The following PKP4 variants were observed in gnomAD, a reference collection of about 807,000 sequenced individuals.
PKP4 encodes plakophilin-4.
A neutral mutation model predicts 145.1 loss-of-function variants in PKP4; 90 were observed. The ratio of observed to expected loss-of-function variants is 0.62; its 90% CI spans 0.52 to 0.74. The LOEUF is 0.74. Among genes scored for constraint, PKP4 ranks in the 30% least tolerant of loss-of-function variants. The probability of loss-of-function intolerance (pLI) is 0.00; values close to 1 mark genes in which losing one functional copy is unlikely to be tolerated. For synonymous variants in PKP4, 563 were observed against 577.2 expected (o/e 0.98, Z 0.35); for missense variants, 1,340 against 1,482.7 (o/e 0.90, Z 1.58).
intron 4 of PKP4, among the ~76,000 whole-genome samples, chr2:158,618,822 A>G (rs2051909529): frequency 1.3e-5 from 2 of 152,106 alleles, no homozygotes; most frequent in Non-Finnish European, 2.9e-5. Context: ...CCATGGTGAA[A>G]AATGTTGAGA....
At chr2:158,596,787 A>G (rs1339130539) in intron 3 of PKP4, among the ~76,000 whole-genome samples, 1 of 152,218 alleles carries the variant, frequency 6.6e-6, no homozygotes, top group Non-Finnish European at 1.5e-5. Context: ...TTTCTTACAC[A>G]TGCAGCGTAT....
At chr2:158,591,016 A>T (rs559099581) in intron 3 of PKP4, among the ~76,000 whole-genome samples, 75 of 152,284 alleles carry the variant, frequency 4.9e-4, no homozygotes, top group African/African-American at 1.7e-3. Flanking sequence ...CTAGATATTA[A>T]TATCAGTTTA....
rs778618377 is a variant in PKP4, at chr2:158,634,137, T to C, written c.1410T>C (p.Tyr470=). The C allele has an allele frequency of 1.7e-5, 27 of 1,614,006 alleles. No homozygotes were observed. The East Asian group carries it at 6.0e-4, about 36-fold the overall frequency. ...RSTLTYQRNN[Y]ALNTTATYAE... ...CCCTTACATACCAAAGAAATAATTA[T>C]GCTCTGAACACAACAGCTACCTACG... Residue 470 remains tyrosine, a synonymous_variant, in exon 9 of 22, where the codon TAT becomes TAC. Transcript: ENST00000389759.
chr2:158,496,731 G>A (rs188357241), intron 1 of PKP4, among the ~76,000 whole-genome samples: 72 of 149,886 alleles, frequency 4.8e-4, no homozygotes, highest in African/African-American at 1.4e-3. Context: ...TCTCTCTTTC[G>A]CTCTCACTCT....
intron 2 of PKP4, among the ~76,000 whole-genome samples, chr2:158,553,534 G>A (rs567084298): frequency 1.4e-4 from 22 of 152,294 alleles, no homozygotes; most frequent in African/African-American, 4.8e-4. Flanking sequence ...TTCCCAAACT[G>A]TACAGGCTTG....
At chr2:158,549,702 G>A (rs1221234753) in intron 2 of PKP4, among the ~76,000 whole-genome samples, 2 of 152,096 alleles carry the variant, frequency 1.3e-5, no homozygotes, top group Non-Finnish European at 2.9e-5. Flanking sequence ...AATCTTCCGT[G>A]TTGACCAGTA....
At chr2:158,528,092 A>G (rs1342959833) in intron 1 of PKP4, among the ~76,000 whole-genome samples, 5 of 83,728 alleles carry the variant, frequency 6.0e-5, no homozygotes, top group African/African-American at 2.1e-4. Context: ...TTCCTCAGGG[A>G]TCTAGAACTA....
intron 7 of PKP4, among the ~76,000 whole-genome samples, chr2:158,631,190 T>G (rs2053320923): frequency 6.6e-6 from 1 of 152,118 alleles, no homozygotes. Flanking sequence ...TCCACCCTCC[T>G]CGGCTTCCCA....
At chr2:158,539,541 T>C (rs926672831) in intron 2 of PKP4, among the ~76,000 whole-genome samples, 2 of 152,216 alleles carry the variant, frequency 1.3e-5, no homozygotes, top group Non-Finnish European at 2.9e-5. Flanking sequence ...AGAAGTCTTG[T>C]GCTGTAAGTA....
intron 4 of PKP4, among the ~76,000 whole-genome samples, chr2:158,620,352 T>G (rs899295948): frequency 1.3e-5 from 2 of 152,102 alleles, no homozygotes; most frequent in East Asian, 3.9e-4. Context: ...CAAATGGTAC[T>G]GTTAAATTAA....
At position 158,669,882 on chromosome 2, in the gene PKP4, A is replaced by T. The variant is rs1209319228; in HGVS notation, c.2891A>T (p.Lys964Met). 3.7e-6 allele frequency: 6 copies of T among 1,613,346 alleles called. No individual in the cohort carries two copies. Among genetic ancestry groups the T allele is most frequent in the Non-Finnish European group, 5.1e-6 (6 of 1,179,532 alleles). Residue 964 changes from lysine to methionine, a missense_variant, in exon 17 of 22, where the codon AAG becomes ATG. Physicochemically the swap from Lys to Met is moderately conservative, Grantham distance 95 (BLOSUM62 -1). Transcript: ENST00000389759. Reference sequence around the variant, plus strand: ...CTGGCCGACTCAGGAGGCATAGAGAAGCTGGTGAACATAACCAAAGGCAGG... The same window carrying T: ...CTGGCCGACTCAGGAGGCATAGAGATGCTGGTGAACATAACCAAAGGCAGG... ...KALADSGGIE[K>M]LVNITKGRGD...
chr2:158,514,814 G>A (rs749226551), intron 1 of PKP4, among the ~76,000 whole-genome samples: 3 of 152,064 alleles, frequency 2.0e-5, no homozygotes, highest in Admixed American at 6.5e-5. Flanking sequence ...GGTGTCATAC[G>A]TCTGTAATCC....
At chr2:158,675,880 G>A (rs1405216334) in intron 19 of PKP4, among the ~76,000 whole-genome samples, 2 of 152,168 alleles carry the variant, frequency 1.3e-5, no homozygotes, top group African/African-American at 4.8e-5. Context: ...TTGGGGGGCT[G>A]TTGCTTTCGA....
chr2:158,603,103 A>G lies in PKP4; in HGVS notation c.279A>G (p.Thr93=), dbSNP rs1266439841. Residue 93 remains threonine (T), a splice_region_variant and synonymous_variant, in exon 4 of 22, where the codon ACA becomes ACG. Transcript: ENST00000389759. ...STEKSFPWRS[T]DVPNTGVSKP... ...AGAAGTCATTTCCTTGGAGATCAAC[A>G]GGTATGTTTTTTATTATATAAAAGT... 6.8e-7 allele frequency: 1 copy of G among 1,471,036 alleles called. No individual in the cohort carries two copies. The highest frequency in any genetic ancestry group is 9.3e-7 in the Non-Finnish European group (1 of 1,080,772). 91.1% of individuals were successfully genotyped at this position (1,471,036 alleles called of 1,614,324 possible). A position where few individuals can be genotyped will look rare whatever the true frequency, so the allele number is the denominator to read the frequency against.
At chr2:158,478,225 A>G (rs1574004928) in intron 1 of PKP4, among the ~76,000 whole-genome samples, 1 of 149,192 alleles carries the variant, frequency 6.7e-6, no homozygotes, top group East Asian at 2.0e-4. Flanking sequence ...TTTTTTTTTG[A>G]TTAGGGAAGC....
At chr2:158,621,540 G>C (rs900272739) in intron 6 of PKP4, 119 bp downstream of exon 6, 1 of 728,520 alleles carries the variant, frequency 1.4e-6, no homozygotes, top group Non-Finnish European at 2.3e-6. Context: ...GAGGTCAGGA[G>C]TTCAAGACCA....
At chr2:158,545,890 A>T (rs2044988834) in intron 2 of PKP4, among the ~76,000 whole-genome samples, 1 of 152,200 alleles carries the variant, frequency 6.6e-6, no homozygotes, top group Non-Finnish European at 1.5e-5. Context: ...AGGAAGGTTT[A>T]TATACAGTGC....
Position 158,676,756 on chromosome 2 carries a change from T to C in PKP4, c.3145T>C (p.Ser1049Pro). ...IIQSVGSTSS[S>P]PALLGIRDPR... Reference sequence around the variant, plus strand: ...CCCTTCAGTCGGCAGCACCTCTTCCTCACCAGCACTGTTAGGAATCAGAGA... The same window carrying C: ...CCCTTCAGTCGGCAGCACCTCTTCCCCACCAGCACTGTTAGGAATCAGAGA... Residue 1049 changes from serine (S) to proline (P), a missense_variant, in exon 20 of 22, where the codon TCA (serine) becomes CCA (proline). Physicochemically the swap from Ser to Pro is moderately conservative, Grantham distance 74. Transcript: ENST00000389759. 6.2e-7 allele frequency: 1 copy of C among 1,614,160 alleles called. No homozygotes were observed. Among genetic ancestry groups the C allele is most frequent in the Non-Finnish European group, 8.5e-7 (1 of 1,180,026 alleles).
At chr2:158,557,025 G>A (rs1201354177) in intron 2 of PKP4, among the ~76,000 whole-genome samples, 1 of 151,890 alleles carries the variant, frequency 6.6e-6, no homozygotes, top group Non-Finnish European at 1.5e-5. Flanking sequence ...CCTTCTAACT[G>A]CATATCCCTG....
Sources: allele counts gnomAD v4.1 joint callset (sites outside exome capture counted in the v4.1 genomes callset), GRCh38; gene constraint gnomAD v4.1.1; transcripts MANE v1.5; gene names NCBI Gene and HGNC (gene_info 2026-07-23, HGNC 2026-07-21).